Variants in CADM2 observed in about 807,000 individuals in gnomAD.
The protein encoded by CADM2 is cell adhesion molecule 2.
In CADM2, 12 loss-of-function variants were observed where a neutral mutation model predicts 49.8. The observed-to-expected ratio is 0.24, with a 90% CI of 0.15 to 0.39. The LOEUF (loss-of-function observed/expected upper bound fraction) is 0.39. Ranked by LOEUF, CADM2 falls within the 10% of genes least tolerant of loss-of-function variation. The pLI, the probability that CADM2 is intolerant of heterozygous loss-of-function variation, is 1.00. For synonymous variants in CADM2, 214 were observed against 175.4 expected, an observed-to-expected ratio of 1.22 and a Z score of -1.74; for missense variants, 378 against 492.3, an observed-to-expected ratio of 0.77 and a Z score of 2.20.
chr3:85,257,140 A>G (rs1034488609), intron 1 of CADM2, among the ~76,000 whole-genome samples: 3 of 152,118 alleles, frequency 2.0e-5, no homozygotes, highest in Non-Finnish European at 4.4e-5. Flanking sequence ...TGGCAGAACC[A>G]GGTTTTGAAC....
At chr3:85,535,478 A>G (rs1208659025) in intron 1 of CADM2, among the ~76,000 whole-genome samples, 1 of 152,174 alleles carries the variant, frequency 6.6e-6, no homozygotes, top group African/African-American at 2.4e-5. Context: ...TTTGAATTAG[A>G]CAAGCTCTGT....
At chr3:85,677,298 T>C (rs1270681752) in intron 1 of CADM2, among the ~76,000 whole-genome samples, 3 of 152,174 alleles carry the variant, frequency 2.0e-5, no homozygotes, top group Non-Finnish European at 4.4e-5. Context: ...AACAATTACT[T>C]ATGCCAAGTT....
intron 2 of CADM2, among the ~76,000 whole-genome samples, chr3:85,801,700 C>A (rs543027645): frequency 3.3e-5 from 5 of 152,210 alleles, no homozygotes; most frequent in Admixed American, 2.0e-4. Context: ...TATTTCAGTG[C>A]TTTATCTTCA....
intron 8 of CADM2, among the ~76,000 whole-genome samples, chr3:86,017,415 T>G (rs1577962152): frequency 6.6e-6 from 1 of 151,976 alleles, no homozygotes; most frequent in East Asian, 1.9e-4. Context: ...CATAAAATAA[T>G]TTAGCAAGTA....
chr3:85,098,678 G>A (rs1246958531), intron 1 of CADM2, among the ~76,000 whole-genome samples: 2 of 152,094 alleles, frequency 1.3e-5, no homozygotes, highest in Non-Finnish European at 2.9e-5. Context: ...TTGGTTCCAG[G>A]ATCACCCACG....
rs1210668922 is a variant in CADM2 at position 84,969,734 on chromosome 3, T to G, written c.61+10066T>G. Among the ~76,000 whole-genome samples the G allele has an allele frequency of 2.6e-5, 4 of 151,978 alleles. No homozygotes were observed. In the East Asian group the frequency reaches 7.7e-4, roughly 29 times the overall value. ...GCACCCCAAGAAACAAAAATAATAC[T>G]AAATAATGGTGTACTTAACAAAAAT... On this transcript the variant is annotated intron_variant, in intron 1 of 9. Coordinates refer to ENST00000383699, the MANE Select transcript of CADM2 (RefSeq NM_001167675.2).
intron 1 of CADM2, among the ~76,000 whole-genome samples, chr3:85,204,544 C>A (rs1453249229): frequency 6.6e-6 from 1 of 152,106 alleles, no homozygotes; most frequent in Non-Finnish European, 1.5e-5. Context: ...CACATTTTGT[C>A]TCTTCAAAAA....
intron 1 of CADM2, among the ~76,000 whole-genome samples, chr3:85,592,364 A>G (rs892889724): frequency 1.6e-4 from 24 of 152,044 alleles, no homozygotes; most frequent in African/African-American, 5.8e-4. Context: ...GAAAAATGCA[A>G]TACAGTTGAC....
intron 3 of CADM2, among the ~76,000 whole-genome samples, chr3:85,844,014 G>A (rs978810213): frequency 3.3e-5 from 5 of 152,062 alleles, no homozygotes; most frequent in African/African-American, 1.2e-4. Context: ...TTTACGGATC[G>A]GTCCCAGCAC....
At chr3:85,085,941 T>C (rs1452389559) in intron 1 of CADM2, among the ~76,000 whole-genome samples, 1 of 152,156 alleles carries the variant, frequency 6.6e-6, no homozygotes. Context: ...GCACAGTGAT[T>C]GCAAACAAGA....
At chr3:85,153,767 G>A (rs1472053630) in intron 1 of CADM2, among the ~76,000 whole-genome samples, 4 of 152,136 alleles carry the variant, frequency 2.6e-5, no homozygotes, top group South Asian at 2.1e-4. Context: ...GCCTCCTCAA[G>A]TGGGTCCCTG....
intron 8 of CADM2, among the ~76,000 whole-genome samples, chr3:86,054,361 A>G (rs998790782): frequency 6.6e-6 from 1 of 152,132 alleles, no homozygotes. Flanking sequence ...ATTTGACTAT[A>G]GTGACTAGTG....
At chr3:85,089,831 T>G (rs576649616) in intron 1 of CADM2, among the ~76,000 whole-genome samples, 1 of 152,324 alleles carries the variant, frequency 6.6e-6, no homozygotes, top group African/African-American at 2.4e-5. Context: ...GTACTATGTT[T>G]ATCTTCATAT....
chr3:85,609,964 C>A (rs563676415), intron 1 of CADM2, among the ~76,000 whole-genome samples: 1 of 151,894 alleles, frequency 6.6e-6, no homozygotes, highest in East Asian at 1.9e-4. Context: ...TTAAACTCCA[C>A]GATAGAACTG....
chr3:85,442,087 A>G lies in CADM2; in HGVS notation c.62-284435A>G, dbSNP rs551473881. On this transcript the variant is annotated intron_variant, in intron 1 of 9. Transcript: ENST00000383699. The stretch of plus-strand genomic sequence containing the variant: ...TGTTGAAAATAGGCAAAATCTACCC[A>G]TTATTCAGATTTTGTCCACACAATA... Among the ~76,000 whole-genome samples the G allele has an allele frequency of 2.6e-5, 4 of 152,142 alleles. No homozygotes were observed. The South Asian group carries it at 8.3e-4, about 32-fold the overall frequency.
At chr3:85,230,444 T>G (rs1036101878) in intron 1 of CADM2, among the ~76,000 whole-genome samples, 1 of 152,206 alleles carries the variant, frequency 6.6e-6, no homozygotes, top group Non-Finnish European at 1.5e-5. Context: ...TTATAGGTAA[T>G]AAAAGTGACC....
chr3:85,361,796 T>G (rs1038878131), intron 1 of CADM2, among the ~76,000 whole-genome samples: 2 of 152,184 alleles, frequency 1.3e-5, no homozygotes, highest in Non-Finnish European at 2.9e-5. Context: ...ATGCCATGTC[T>G]GGATGTAAGT....
At chr3:85,297,297 A>G (rs1695312775) in intron 1 of CADM2, among the ~76,000 whole-genome samples, 1 of 152,078 alleles carries the variant, frequency 6.6e-6, no homozygotes, top group African/African-American at 2.4e-5. Context: ...TATACTATTC[A>G]CAAAGCTCTG....
intron 1 of CADM2, among the ~76,000 whole-genome samples, chr3:85,530,122 G>T (rs1369656310): frequency 6.6e-6 from 1 of 151,988 alleles, no homozygotes; most frequent in Non-Finnish European, 1.5e-5. Flanking sequence ...CTGTTCTCAT[G>T]ATAGTGAGTG....
Sources: gnomAD v4.1 joint callset for allele counts (sites outside exome capture counted in the v4.1 genomes callset) on GRCh38, gnomAD v4.1.1 for gene constraint, MANE v1.5 for transcripts, NCBI Gene and HGNC (gene_info 2026-07-23, HGNC 2026-07-21) for gene names.